Variants in TENM3 observed in about 807,000 individuals in gnomAD.
TENM3 encodes teneurin-3.
In TENM3, 63 loss-of-function variants were observed where a neutral mutation model predicts 255.1. The ratio of observed to expected loss-of-function variants is 0.25; its 90% confidence interval spans 0.20 to 0.30. TENM3 has a LOEUF of 0.30. Ranked by LOEUF, TENM3 falls within the 10% of genes least tolerant of loss-of-function variation. The pLI, the probability that TENM3 is intolerant of heterozygous loss-of-function variation, is 1.00. For synonymous variants in TENM3, 1,306 were observed against 1,322.3 expected, an observed-to-expected ratio of 0.99 and a Z score of 0.27; for missense variants, 2,929 against 3,461.1, an observed-to-expected ratio of 0.85 and a Z score of 3.86.
At chr4:181,542,824 G>C in the TENM3 span, among the ~76,000 whole-genome samples, 1 of 152,138 alleles carries the variant, frequency 6.6e-6, no homozygotes, top group Admixed American at 6.5e-5. Context: ...CCGCATGTTA[G>C]AGTTGGGGTG....
At chr4:182,698,436 C>T in intron 12 of TENM3, among the ~76,000 whole-genome samples, 1 of 152,170 alleles carries the variant, frequency 6.6e-6, no homozygotes, top group South Asian at 2.1e-4. Flanking sequence ...CTCCAAAAGT[C>T]CCATTAGAAT....
At chr4:182,350,153 T>C (rs1170417842) in intron 3 of TENM3, 1 of 155,598 alleles carries the variant, frequency 6.4e-6, no homozygotes, top group Non-Finnish European at 1.4e-5. Flanking sequence ...TATTTATTGA[T>C]AAAGAGGCCA....
chr4:181,964,374 G>A, the TENM3 span, among the ~76,000 whole-genome samples: 27 of 152,116 alleles, frequency 1.8e-4, no homozygotes, highest in South Asian at 4.1e-4. Context: ...CTGTCTAGTG[G>A]CAGCTACTTT....
intron 4 of TENM3, among the ~76,000 whole-genome samples, chr4:182,617,818 A>G (rs1201617925): frequency 6.6e-6 from 1 of 152,206 alleles, no homozygotes; most frequent in African/African-American, 2.4e-5. Flanking sequence ...AATGTAAATG[A>G]TTCTCTTTGT....
chr4:182,197,271 G>C (rs1753887308), intron 1 of TENM3, among the ~76,000 whole-genome samples: 1 of 152,158 alleles, frequency 6.6e-6, no homozygotes, highest in Non-Finnish European at 1.5e-5. Flanking sequence ...CTCAAAGCTT[G>C]GGGTTAATAC....
chr4:181,998,502 T>G, the TENM3 span, among the ~76,000 whole-genome samples: 1 of 152,166 alleles, frequency 6.6e-6, no homozygotes, highest in South Asian at 2.1e-4. Context: ...AGTACCCAAA[T>G]AGCCTAACTG....
chr4:181,725,509 C>T, the TENM3 span, among the ~76,000 whole-genome samples: 1 of 148,928 alleles, frequency 6.7e-6, no homozygotes, highest in Non-Finnish European at 1.5e-5. Flanking sequence ...GGCTGGAGTG[C>T]AGTAGTGCAA....
chr4:181,920,675 T>C, the TENM3 span, among the ~76,000 whole-genome samples: 1 of 151,632 alleles, frequency 6.6e-6, no homozygotes, highest in African/African-American at 2.4e-5. Context: ...TTCTCCCATT[T>C]TGTAGGTTGC....
chr4:181,803,289 T>C, the TENM3 span, among the ~76,000 whole-genome samples: 2 of 152,200 alleles, frequency 1.3e-5, no homozygotes, highest in Admixed American at 1.3e-4. Flanking sequence ...GCTAATTCAA[T>C]CAAGAATGTA....
the TENM3 span, among the ~76,000 whole-genome samples, chr4:181,578,124 G>C: frequency 6.6e-6 from 1 of 152,216 alleles, no homozygotes; most frequent in African/African-American, 2.4e-5. Flanking sequence ...AGAGGTTTCT[G>C]TGCTGGGAAG....
intron 27 of TENM3, among the ~76,000 whole-genome samples, chr4:182,798,956 C>T (rs1766694052): frequency 6.6e-6 from 1 of 152,162 alleles, no homozygotes; most frequent in Non-Finnish European, 1.5e-5. Flanking sequence ...CCAGTCTAGA[C>T]GGTCCACTGT....
At chr4:181,800,723 T>C in the TENM3 span, among the ~76,000 whole-genome samples, 1 of 152,198 alleles carries the variant, frequency 6.6e-6, no homozygotes, top group Non-Finnish European at 1.5e-5. Flanking sequence ...CACTTCCTTT[T>C]TCTGTAAAAT....
chr4:181,515,858 G>GGAAT, the TENM3 span, among the ~76,000 whole-genome samples: 1 of 151,986 alleles, frequency 6.6e-6, no homozygotes, highest in Non-Finnish European at 1.5e-5. Flanking sequence ...ATATACCAAA[G>GGAAT]GAATATAAAT....
the TENM3 span, among the ~76,000 whole-genome samples, chr4:181,705,196 G>A: frequency 6.6e-6 from 1 of 152,120 alleles, no homozygotes; most frequent in Middle Eastern, 3.2e-3. Context: ...ATAAGAAAAA[G>A]CACAATCTGC....
chr4:182,685,746 C>T (rs1579109424), intron 11 of TENM3, among the ~76,000 whole-genome samples: 4 of 152,126 alleles, frequency 2.6e-5, no homozygotes, highest in Non-Finnish European at 5.9e-5. Flanking sequence ...GAAATACTGT[C>T]ATTCAGATTT....
At chr4:181,888,159 A>G in the TENM3 span, among the ~76,000 whole-genome samples, 2 of 151,954 alleles carry the variant, frequency 1.3e-5, no homozygotes, top group African/African-American at 2.4e-5. Context: ...CCCCACAAGT[A>G]GCTGGAATTA....
At chr4:182,155,925 T>G (rs536837221) in intron 1 of TENM3, among the ~76,000 whole-genome samples, 2 of 152,292 alleles carry the variant, frequency 1.3e-5, no homozygotes, top group East Asian at 3.9e-4. Flanking sequence ...TCATCAGCTC[T>G]GTAGCTGAAC....
At chr4:182,130,204 C>T in the TENM3 span, among the ~76,000 whole-genome samples, 2 of 151,872 alleles carry the variant, frequency 1.3e-5, no homozygotes, top group African/African-American at 2.4e-5. Context: ...ATTTAGTTAT[C>T]GAGTTAAAGA....
the TENM3 span, among the ~76,000 whole-genome samples, chr4:181,477,440 C>T: frequency 0.38 from 57,620 of 151,802 alleles, 11,655 homozygotes; most frequent in African/African-American, 0.53. Context: ...CAGGAGGAAT[C>T]AAAATTGAAT....
Sources: allele counts gnomAD v4.1 joint callset (sites outside exome capture counted in the v4.1 genomes callset), GRCh38; gene constraint gnomAD v4.1.1; transcripts MANE v1.5; gene names NCBI Gene and HGNC (gene_info 2026-07-23, HGNC 2026-07-21).